Variants in GABBR2 observed in about 807,000 individuals in gnomAD.
GABBR2 encodes the protein G-protein coupled receptor 51.
GABBR2 carries 23 observed loss-of-function variants against 105.6 expected under a neutral mutation model. The observed-to-expected ratio is 0.22, with a 90% CI of 0.16 to 0.31. The LOEUF is 0.31. Among genes scored for constraint, GABBR2 ranks in the 10% least tolerant of loss-of-function variants. The pLI, the probability that GABBR2 is intolerant of heterozygous loss-of-function variation, is 1.00. For missense variants in GABBR2, 734 were observed against 1,245.5 expected, an observed-to-expected ratio of 0.59 and a Z score of 6.18; for synonymous variants, 478 against 499.7, an observed-to-expected ratio of 0.96 and a Z score of 0.58.
At position 98,290,283 on chromosome 9, in the gene GABBR2, T is replaced by TTTTTTTTTTTTTTTTA. The variant is rs1830280125; in HGVS notation, c.*300_*301insTAAAAAAAAAAAAAAA. On this transcript the variant is annotated 3_prime_UTR_variant, in exon 19 of 19. Coordinates refer to ENST00000259455, the MANE Select transcript of GABBR2 (RefSeq NM_005458.8). ...CTAGTTTTTTTGTTTTTTTTTTTTT[T>TTTTTTTTTTTTTTTTA]TTTTTTTTTTTGCAAGTTTGATATC... 5.5e-6 allele frequency: 1 copy of TTTTTTTTTTTTTTTTA among 182,536 alleles called. No individual in the cohort carries two copies. Among genetic ancestry groups the TTTTTTTTTTTTTTTTA allele is most frequent in the Non-Finnish European group, 1.1e-5 (1 of 90,354 alleles). The allele number at this position is 182,536 out of a possible 1,614,324, so 11.3% of individuals were successfully genotyped here.
chr9:98,524,008 A>AC (rs1021618403), intron 3 of GABBR2, among the ~76,000 whole-genome samples: 4 of 151,840 alleles, frequency 2.6e-5, no homozygotes, highest in Non-Finnish European at 5.9e-5. Context: ...TATAACAAAA[A>AC]AACAGAGGCT....
Position 98,522,138 on chromosome 9 carries a change from A to G in GABBR2, c.630+19735T>C, listed in dbSNP as rs555678803. Among the ~76,000 whole-genome samples, 21 of 121,982 alleles carry G rather than the reference A, an allele frequency of 1.7e-4. No individual in the cohort carries two copies. The East Asian group carries it at 6.8e-3, about 39-fold the overall frequency. 80.0% of individuals were successfully genotyped at this position (121,982 alleles called of 152,430 possible). A position where few individuals can be genotyped will look rare whatever the true frequency, so the allele number is the denominator to read the frequency against. On this transcript the variant is annotated intron_variant, in intron 3 of 18. Coordinates refer to ENST00000259455, the MANE Select transcript of GABBR2 (RefSeq NM_005458.8). ...TTAGAAGCAACAAGGAGCAGAATTTAATTGTAAAAAAAAACTGATGAATAT... is the reference window on the plus strand; with the variant it reads ...TTAGAAGCAACAAGGAGCAGAATTTGATTGTAAAAAAAAACTGATGAATAT...
intron 1 of GABBR2, among the ~76,000 whole-genome samples, chr9:98,690,048 A>G (rs976718496): frequency 6.6e-6 from 1 of 152,188 alleles, no homozygotes; most frequent in Non-Finnish European, 1.5e-5. Context: ...TATCGTTGCA[A>G]CACTGCTTCT....
chr9:98,658,343 C>T (rs1202529692), intron 1 of GABBR2, among the ~76,000 whole-genome samples: 4 of 152,132 alleles, frequency 2.6e-5, no homozygotes, highest in African/African-American at 9.7e-5. Flanking sequence ...ATTTATAAAG[C>T]TCCCCAGGTG....
intron 2 of GABBR2, among the ~76,000 whole-genome samples, chr9:98,564,061 G>C (rs2131765274): frequency 6.6e-6 from 1 of 152,282 alleles, no homozygotes; most frequent in East Asian, 1.9e-4. Context: ...TGAGTAATAA[G>C]TTTAAAAGTG....
At chr9:98,683,013 C>A (rs779871838) in intron 1 of GABBR2, among the ~76,000 whole-genome samples, 2 of 152,192 alleles carry the variant, frequency 1.3e-5, no homozygotes, top group African/African-American at 4.8e-5. Context: ...GCAGGTCCTG[C>A]GGTGGGCTCA....
intron 13 of GABBR2, among the ~76,000 whole-genome samples, chr9:98,324,963 TAA>T (rs544704735): frequency 1.7e-3 from 252 of 152,244 alleles, no homozygotes; most frequent in Non-Finnish European, 1.8e-3. Context: ...CACACACATA[TAA>T]GTCTTCTGAG....
chr9:98,468,177 G>A (rs540562525), intron 6 of GABBR2, among the ~76,000 whole-genome samples: 4 of 152,306 alleles, frequency 2.6e-5, no homozygotes, highest in Middle Eastern at 3.4e-3. Flanking sequence ...ACTGAAGAAC[G>A]TGCTTCTGGA....
At chr9:98,368,077 C>A (rs2131455899) in intron 12 of GABBR2, among the ~76,000 whole-genome samples, 1 of 152,098 alleles carries the variant, frequency 6.6e-6, no homozygotes, top group Non-Finnish European at 1.5e-5. Flanking sequence ...CCTGACATCA[C>A]CCTCACCATC....
intron 9 of GABBR2, 43 bp downstream of exon 9, chr9:98,394,131 GC>G (rs770905207): frequency 7.3e-7 from 1 of 1,366,368 alleles, no homozygotes; most frequent in African/African-American, 1.4e-5. Context: ...AGGCTTGGGA[GC>G]AACTGGGCAG....
intron 13 of GABBR2, among the ~76,000 whole-genome samples, chr9:98,318,536 A>G (rs1830760142): frequency 6.6e-6 from 1 of 152,170 alleles, no homozygotes; most frequent in Admixed American, 6.5e-5. Flanking sequence ...GCGAGGCAAC[A>G]GGCCCAGGCA....
intron 13 of GABBR2, among the ~76,000 whole-genome samples, chr9:98,346,317 G>A (rs7037748): frequency 0.023 from 3,444 of 152,278 alleles, 130 homozygotes; most frequent in African/African-American, 0.079. Flanking sequence ...TAAGTTCTTT[G>A]TTGTCATTTC....
intron 1 of GABBR2, among the ~76,000 whole-genome samples, chr9:98,642,936 C>T (rs1002153048): frequency 6.6e-5 from 10 of 152,312 alleles, no homozygotes; most frequent in East Asian, 5.8e-4. Flanking sequence ...CTGTCTCCCT[C>T]GCCTCTCTCT....
intron 1 of GABBR2, among the ~76,000 whole-genome samples, chr9:98,592,910 G>A (rs1829166852): frequency 6.6e-6 from 1 of 152,230 alleles, no homozygotes; most frequent in Non-Finnish European, 1.5e-5. Flanking sequence ...CCAGCTTAAG[G>A]AGGTTGCCCC....
At chr9:98,491,804 T>C (rs1161812867) in intron 4 of GABBR2, among the ~76,000 whole-genome samples, 3 of 152,228 alleles carry the variant, frequency 2.0e-5, no homozygotes, top group African/African-American at 7.2e-5. Flanking sequence ...TTATATGTAA[T>C]TTTTGCATCT....
chr9:98,381,848 C>A (rs1026232197), intron 11 of GABBR2, among the ~76,000 whole-genome samples: 1 of 152,152 alleles, frequency 6.6e-6, no homozygotes, highest in African/African-American at 2.4e-5. Context: ...TCCCCTCACA[C>A]AAATGAGCGT....
At chr9:98,539,029 C>T (rs982082311) in intron 3 of GABBR2, among the ~76,000 whole-genome samples, 12 of 152,232 alleles carry the variant, frequency 7.9e-5, no homozygotes, top group African/African-American at 2.7e-4. Context: ...GGCCCCGACA[C>T]GGCTGTGCAA....
At chr9:98,407,292 A>G (rs1302612661) in intron 7 of GABBR2, among the ~76,000 whole-genome samples, 1 of 152,188 alleles carries the variant, frequency 6.6e-6, no homozygotes, top group Admixed American at 6.5e-5. Context: ...CCTTAGGCAG[A>G]AACCTAAAGA....
At chr9:98,396,249 G>A (rs1250311184) in intron 8 of GABBR2, among the ~76,000 whole-genome samples, 1 of 152,222 alleles carries the variant, frequency 6.6e-6, no homozygotes, top group Non-Finnish European at 1.5e-5. Context: ...GTGAAGTGCA[G>A]GCGGGTCCCT....
Sources: allele counts gnomAD v4.1 joint callset (sites outside exome capture counted in the v4.1 genomes callset), GRCh38; gene constraint gnomAD v4.1.1; transcripts MANE v1.5; gene names NCBI Gene and HGNC (gene_info 2026-07-23, HGNC 2026-07-21).